Variants in ZNF891 observed in about 807,000 individuals in gnomAD.
The protein encoded by ZNF891 is zinc finger protein 891.
For synonymous variants in ZNF891, 199 were observed against 209.0 expected, an observed-to-expected ratio of 0.95 and a Z score of 0.41; for missense variants, 589 against 632.7, an observed-to-expected ratio of 0.93 and a Z score of 0.74.
In ZNF891 at chr12:133,105,521, A is replaced by C. The variant is rs1955560500; in HGVS notation, c.*14763T>G. 4 of 1,598,580 alleles carry C rather than the reference A, an allele frequency of 2.5e-6. No homozygotes were observed. The South Asian group carries it at 4.5e-5, about 18-fold the overall frequency. ...TTGGTATCTTTCAGTTTCAGAGTCA[A>C]GTGGTGAGATCAAAGACTTTTCACC... On this transcript the variant is annotated 3_prime_UTR_variant, in exon 2 of 2. Transcript: ENST00000537226.
rs1039450056 is a variant in ZNF891 at position 133,113,912 on chromosome 12, T to A, written c.*6372A>T. ...TTTTTTTTTTTGGTAGAGATGGGGT[T>A]TTGCCATGTTGCCTAGGCTGGTTTC... On this transcript the variant is annotated 3_prime_UTR_variant, in exon 2 of 2. Transcript: ENST00000537226. 6.6e-6 allele frequency: 1 copy of A among 151,968 alleles called. No individual in the cohort carries two copies. Among genetic ancestry groups the A allele is most frequent in the African/African-American group, 2.4e-5 (1 of 41,348 alleles). 9.4% of individuals were successfully genotyped at this position (151,968 alleles called of 1,614,324 possible).
intron 1 of ZNF891, among the ~76,000 whole-genome samples, chr12:133,124,526 A>C (rs1355876402): frequency 6.6e-6 from 1 of 152,026 alleles, no homozygotes; most frequent in Non-Finnish European, 1.5e-5. Context: ...GCTACACTGA[A>C]GGTAAACTAG....
intron 1 of ZNF891, among the ~76,000 whole-genome samples, chr12:133,128,396 C>T (rs1368009044): frequency 1.3e-5 from 2 of 152,190 alleles, no homozygotes; most frequent in East Asian, 3.8e-4. Context: ...CTTTGGGAGG[C>T]CAAGGCGGGC....
chr12:133,112,327 C>CTT lies in ZNF891; in HGVS notation c.*7955_*7956dup, dbSNP rs112022222. ...AATGTTATTTTCTCATGGAGACCTT[C>CTT]TTTTTTTTTTTTGAGACACAGTCTT... On this transcript the variant is annotated 3_prime_UTR_variant, in exon 2 of 2. Coordinates refer to ENST00000537226, the MANE Select transcript of ZNF891 (RefSeq NM_001277291.2). 3.6e-4 allele frequency: 53 copies of CTT among 147,298 alleles called. No individual in the cohort carries two copies. Among genetic ancestry groups the CTT allele is most frequent in the Middle Eastern group, 3.5e-3 (1 of 284 alleles). 9.1% of individuals were successfully genotyped at this position (147,298 alleles called of 1,614,324 possible).
chr12:133,114,512 G>T lies in ZNF891; in HGVS notation c.*5772C>A, dbSNP rs1955704643. ...TAGCTTTTAAGTTAAACTTCCACTA[G>T]AATGGTAAGTAAAAGAAAAGGCACA... On this transcript the variant is annotated 3_prime_UTR_variant, in exon 2 of 2. Coordinates refer to ENST00000537226, the MANE Select transcript of ZNF891 (RefSeq NM_001277291.2). The T allele has an allele frequency of 6.6e-6, 1 of 152,110 alleles. No individual in the cohort carries two copies. Among genetic ancestry groups the T allele is most frequent in the Admixed American group, 6.5e-5 (1 of 15,274 alleles). The allele number at this position is 152,110 out of a possible 1,614,324, so 9.4% of individuals were successfully genotyped here. A position where few individuals can be genotyped will look rare whatever the true frequency, so the allele number is the denominator to read the frequency against.
rs1955685668 is a variant in ZNF891 at position 133,112,019 on chromosome 12, A to G, written c.*8265T>C. On this transcript the variant is annotated 3_prime_UTR_variant, in exon 2 of 2. Coordinates refer to ENST00000537226, the MANE Select transcript of ZNF891 (RefSeq NM_001277291.2). ...CTGAAAAACTTAAATAGTTCCTCATAACTCTTCAAATAAAGTATAAACTCA... is the reference window on the plus strand; with the variant it reads ...CTGAAAAACTTAAATAGTTCCTCATGACTCTTCAAATAAAGTATAAACTCA... The G allele has an allele frequency of 1.3e-5, 2 of 152,210 alleles. No individual in the cohort carries two copies. 9.4% of individuals were successfully genotyped at this position (152,210 alleles called of 1,614,324 possible). A position where few individuals can be genotyped will look rare whatever the true frequency, so the allele number is the denominator to read the frequency against.
rs1955714180 is a variant in ZNF891 at position 133,116,177 on chromosome 12, T to A, written c.*4107A>T. On this transcript the variant is annotated 3_prime_UTR_variant, in exon 2 of 2. Coordinates refer to ENST00000537226, the MANE Select transcript of ZNF891 (RefSeq NM_001277291.2). ...CGGAATGCAGTGGTGCGATCTCGGC[T>A]TACCACAACCTCTGCCTCCCGGGTT... is the stretch of plus-strand genomic sequence containing the variant. 6.6e-6 allele frequency: 1 copy of A among 152,404 alleles called. No homozygotes were observed. The highest frequency in any genetic ancestry group is 2.1e-4 in the South Asian group (1 of 4,828). 9.4% of individuals were successfully genotyped at this position (152,404 alleles called of 1,614,324 possible).
In ZNF891 at chr12:133,112,207, T is replaced by G. The variant is rs903608608; in HGVS notation, c.*8077A>C. ...ATGAGTCTTTTTGCTCTTGCTGTTC[T>G]ATTTAGAAAGCTCTTCCTCTGTCCC... On this transcript the variant is annotated 3_prime_UTR_variant, in exon 2 of 2. Coordinates refer to ENST00000537226, the MANE Select transcript of ZNF891 (RefSeq NM_001277291.2). The G allele has an allele frequency of 2.1e-5, 3 of 139,980 alleles. No homozygotes were observed. Among genetic ancestry groups the G allele is most frequent in the African/African-American group, 8.6e-5 (3 of 35,086 alleles). 8.7% of individuals were successfully genotyped at this position (139,980 alleles called of 1,614,324 possible).
In ZNF891 at chr12:133,105,136, T is replaced by G. The variant is rs908684778; in HGVS notation, c.*15148A>C. 2.0e-5 allele frequency among the ~76,000 whole-genome samples: 3 copies of G among 152,202 alleles called. No homozygotes were observed. In the South Asian group the frequency reaches 6.2e-4, roughly 31 times the overall value. ...AACAGAATCTAATGTCTTTGTGCAA[T>G]CTGACGAACACTTAGTGTTTAGTAG... On this transcript the variant is annotated 3_prime_UTR_variant, in exon 2 of 2. Transcript: ENST00000537226.
At position 133,104,862 on chromosome 12, in the gene ZNF891, C is replaced by T. The variant is rs940086190; in HGVS notation, c.*15422G>A. Among the ~76,000 whole-genome samples, 1 of 152,110 alleles carries T rather than the reference C, an allele frequency of 6.6e-6. No individual in the cohort carries two copies. The highest frequency in any genetic ancestry group is 6.5e-5 in the Admixed American group (1 of 15,272). On this transcript the variant is annotated 3_prime_UTR_variant, in exon 2 of 2. Coordinates refer to ENST00000537226, the MANE Select transcript of ZNF891 (RefSeq NM_001277291.2). ...CATGTTACATGAGCAAATTGTGTGT[C>T]ATGGGGGTTTGGTGTGCAGATAATT...
Position 133,110,688 on chromosome 12 carries a change from T to C in ZNF891, c.*9596A>G, listed in dbSNP as rs1193871917. On this transcript the variant is annotated 3_prime_UTR_variant, in exon 2 of 2. Transcript: ENST00000537226. ...GGGGCTAAGTGACTTGTGCCTGTAA[T>C]CCCAGCATGATCCCAGCATGGGAGG... 6.6e-6 allele frequency: 1 copy of C among 152,144 alleles called. No homozygotes were observed. The highest frequency in any genetic ancestry group is 1.9e-4 in the East Asian group (1 of 5,196). 9.4% of individuals were successfully genotyped at this position (152,144 alleles called of 1,614,324 possible).
rs1955671181 is a variant in ZNF891, at chr12:133,110,057, G to A, written c.*10227C>T. 1.3e-5 allele frequency: 2 copies of A among 152,122 alleles called. No individual in the cohort carries two copies. Among genetic ancestry groups the A allele is most frequent in the African/African-American group, 4.8e-5 (2 of 41,416 alleles). The allele number at this position is 152,122 out of a possible 1,614,324, so 9.4% of individuals were successfully genotyped here. On this transcript the variant is annotated 3_prime_UTR_variant, in exon 2 of 2. Transcript: ENST00000537226. ...GATTGCGCCACTGTACTCCAGCCTG[G>A]GTGACAGAGCGAGACTCCGTCTCAA...
chr12:133,116,733 G>C lies in ZNF891; in HGVS notation c.*3551C>G, dbSNP rs1005014830. The C allele has an allele frequency of 6.6e-6, 1 of 152,180 alleles. No individual in the cohort carries two copies. The highest frequency in any genetic ancestry group is 1.5e-5 in the Non-Finnish European group (1 of 68,078). 9.4% of individuals were successfully genotyped at this position (152,180 alleles called of 1,614,324 possible). A position where few individuals can be genotyped will look rare whatever the true frequency, so the allele number is the denominator to read the frequency against. The stretch of plus-strand genomic sequence containing the variant: ...GAGACTCTTTCATGGTGCCCTCTGA[G>C]ATTCCCTTAATAAACTCCCTTAATA... On this transcript the variant is annotated 3_prime_UTR_variant, in exon 2 of 2. Transcript: ENST00000537226.
Position 133,120,749 on chromosome 12 carries a change from G to T in ZNF891, c.1170C>A (p.Ser390=). 6.4e-7 allele frequency: 1 copy of T among 1,567,036 alleles called. No individual in the cohort carries two copies. The highest frequency in any genetic ancestry group is 1.4e-5 in the African/African-American group (1 of 73,244). ...QCGKAFSQKT[S]LKAHMRTHTG... Reference sequence around the variant, plus strand: ...TGTGAGTTCTCATGTGAGCCTTAAGGGATGTTTTTTGACTGAAAGCTTTTC... The same window carrying T: ...TGTGAGTTCTCATGTGAGCCTTAAGTGATGTTTTTTGACTGAAAGCTTTTC... Residue 390 remains serine (S), a synonymous_variant, in exon 2 of 2, where the codon TCC becomes TCA. Transcript: ENST00000537226.
intron 1 of ZNF891, among the ~76,000 whole-genome samples, chr12:133,128,542 G>A (rs1430583010): frequency 6.6e-6 from 1 of 152,194 alleles, no homozygotes; most frequent in African/African-American, 2.4e-5. Flanking sequence ...GCTGAGGCAG[G>A]AGAATGGCTT....
Position 133,117,417 on chromosome 12 carries a change from TCA to T in ZNF891, c.*2865_*2866del, listed in dbSNP as rs1955721465. ...TAGGAAACACAAAACATTATATAGTTCACATATTCTGATCACTGCTTAGTACA... is the reference window on the plus strand; with the variant it reads ...TAGGAAACACAAAACATTATATAGTTCATATTCTGATCACTGCTTAGTACA... On this transcript the variant is annotated 3_prime_UTR_variant, in exon 2 of 2. Transcript: ENST00000537226. 6.6e-6 allele frequency: 1 copy of T among 152,230 alleles called. No homozygotes were observed. The highest frequency in any genetic ancestry group is 1.5e-5 in the Non-Finnish European group (1 of 68,040). 9.4% of individuals were successfully genotyped at this position (152,230 alleles called of 1,614,324 possible). A position where few individuals can be genotyped will look rare whatever the true frequency, so the allele number is the denominator to read the frequency against.
chr12:133,106,606 T>A lies in ZNF891; in HGVS notation c.*13678A>T. On this transcript the variant is annotated 3_prime_UTR_variant, in exon 2 of 2. Transcript: ENST00000537226. ...ACACTCTTGACAACCCCTATGAATA[T>A]GAAAATTCATTTAATTACCACTCAT... 6.2e-7 allele frequency: 1 copy of A among 1,606,192 alleles called. No individual in the cohort carries two copies. The highest frequency in any genetic ancestry group is 8.5e-7 in the Non-Finnish European group (1 of 1,177,794).
At position 133,107,656 on chromosome 12, in the gene ZNF891, T is replaced by C. The variant is rs1002482535; in HGVS notation, c.*12628A>G. ...TTTGTTATTCAGTGTGAAACAAATATAAGATACATCACAGAAAATTACCAA... is the reference window on the plus strand; with the variant it reads ...TTTGTTATTCAGTGTGAAACAAATACAAGATACATCACAGAAAATTACCAA... On this transcript the variant is annotated 3_prime_UTR_variant, in exon 2 of 2. Coordinates refer to ENST00000537226, the MANE Select transcript of ZNF891 (RefSeq NM_001277291.2). 6.6e-6 allele frequency: 1 copy of C among 152,160 alleles called. No homozygotes were observed. Among genetic ancestry groups the C allele is most frequent in the Admixed American group, 6.6e-5 (1 of 15,258 alleles). The allele number at this position is 152,160 out of a possible 1,614,324, so 9.4% of individuals were successfully genotyped here. A position where few individuals can be genotyped will look rare whatever the true frequency, so the allele number is the denominator to read the frequency against.
Position 133,108,286 on chromosome 12 carries a change from G to A in ZNF891, c.*11998C>T, listed in dbSNP as rs1299117904. ...CAAGCAGCATGCCTTATTACATATGGGTATCTAGTATCTGATTTGGTTTTC... is the reference window on the plus strand; with the variant it reads ...CAAGCAGCATGCCTTATTACATATGAGTATCTAGTATCTGATTTGGTTTTC... On this transcript the variant is annotated 3_prime_UTR_variant, in exon 2 of 2. Coordinates refer to ENST00000537226, the MANE Select transcript of ZNF891 (RefSeq NM_001277291.2). 2 of 151,086 alleles carry A rather than the reference G, an allele frequency of 1.3e-5. No homozygotes were observed. Among genetic ancestry groups the A allele is most frequent in the African/African-American group, 2.4e-5 (1 of 40,908 alleles). The allele number at this position is 151,086 out of a possible 1,614,324, so 9.4% of individuals were successfully genotyped here.
Sources: allele counts gnomAD v4.1 joint callset (sites outside exome capture counted in the v4.1 genomes callset), GRCh38; gene constraint gnomAD v4.1.1; transcripts MANE v1.5; gene names NCBI Gene and HGNC (gene_info 2026-07-23, HGNC 2026-07-21).